NIBAN1: variants seen among roughly 807,000 people sequenced by gnomAD.
NIBAN1 encodes niban apoptosis regulator 1, also known as protein Niban 1.
A neutral mutation model predicts 75.1 loss-of-function variants in NIBAN1; 81 were observed. The ratio of observed to expected loss-of-function variants is 1.08; its 90% CI spans 0.90 to 1.30. The LOEUF (loss-of-function observed/expected upper bound fraction) is 1.30. Among genes scored for constraint, NIBAN1 ranks in the 50% most tolerant of loss-of-function variants. The probability of loss-of-function intolerance (pLI) is 0.00; values close to 1 mark genes in which losing one functional copy is unlikely to be tolerated. For synonymous variants in NIBAN1, 436 were observed against 424.8 expected, an observed-to-expected ratio of 1.03 and a Z score of -0.32; for missense variants, 1,133 against 1,128.1, an observed-to-expected ratio of 1.00 and a Z score of -0.06.
chr1:184,802,359 G>T (rs573613468), intron 12 of NIBAN1, among the ~76,000 whole-genome samples: 2 of 151,888 alleles, frequency 1.3e-5, no homozygotes, highest in Admixed American at 1.3e-4. Flanking sequence ...CCTGAGAGAA[G>T]GTGGATCTGA....
chr1:184,919,550 G>A (rs1488054587), intron 1 of NIBAN1, among the ~76,000 whole-genome samples: 2 of 152,040 alleles, frequency 1.3e-5, no homozygotes, highest in East Asian at 3.9e-4. Flanking sequence ...TTTACTTCCT[G>A]GAAAATCAAA....
chr1:184,877,565 G>A (rs1193559445), intron 5 of NIBAN1, among the ~76,000 whole-genome samples: 1 of 152,094 alleles, frequency 6.6e-6, no homozygotes, highest in African/African-American at 2.4e-5. Context: ...CTTGTTCATG[G>A]TATGGGAAGA....
chr1:184,823,271 A>C lies in NIBAN1; in HGVS notation c.881T>G (p.Leu294Trp). The change falls in exon 8 of 14, where the codon TTG (leucine) becomes TGG (tryptophan). Residue 294 changes from leucine (L) to tryptophan (W), a missense_variant. Coordinates refer to ENST00000367511, the MANE Select transcript of NIBAN1 (RefSeq NM_052966.4). ...QHQVSEGLSA[L>W]KEECRALTKG... is the part of the protein sequence containing the mutation. Reference sequence around the variant, plus strand: ...TGTCAGAGCTCTGCATTCCTCCTTCAAGGCACTTAATCCTTCTGAAACTTG... The same window carrying C: ...TGTCAGAGCTCTGCATTCCTCCTTCCAGGCACTTAATCCTTCTGAAACTTG... 1 of 1,614,138 alleles carries C rather than the reference A, an allele frequency of 6.2e-7. No homozygotes were observed.
chr1:184,854,130 C>A (rs1280358546), intron 5 of NIBAN1, among the ~76,000 whole-genome samples: 2 of 152,082 alleles, frequency 1.3e-5, no homozygotes, highest in Admixed American at 1.3e-4. Flanking sequence ...ATACCTACAG[C>A]ACATTTGAGT....
intron 9 of NIBAN1, among the ~76,000 whole-genome samples, chr1:184,813,827 G>A (rs1461702769): frequency 1.3e-5 from 2 of 152,186 alleles, no homozygotes; most frequent in African/African-American, 2.4e-5. Context: ...CATGGAGTTC[G>A]ATGCTGGAAT....
At chr1:184,909,253 C>T (rs985982591) in intron 1 of NIBAN1, among the ~76,000 whole-genome samples, 3 of 152,196 alleles carry the variant, frequency 2.0e-5, no homozygotes, top group Non-Finnish European at 4.4e-5. Flanking sequence ...TCCCTTCCAA[C>T]ACATCAGGTT....
intron 1 of NIBAN1, among the ~76,000 whole-genome samples, chr1:184,967,641 A>G (rs1374493922): frequency 1.3e-5 from 2 of 152,216 alleles, no homozygotes; most frequent in Non-Finnish European, 2.9e-5. Flanking sequence ...TTCACAGTAA[A>G]AGATAATAAA....
At chr1:184,798,303 A>T (rs1653933692) in intron 12 of NIBAN1, 113 bp from the exon 13 acceptor site, 2 of 622,652 alleles carry the variant, frequency 3.2e-6, no homozygotes, top group African/African-American at 3.7e-5. Flanking sequence ...AGGGCATAAG[A>T]GAAGGACCAT....
chr1:184,821,125 C>G (rs1654685586), intron 8 of NIBAN1, among the ~76,000 whole-genome samples: 1 of 152,176 alleles, frequency 6.6e-6, no homozygotes, highest in Non-Finnish European at 1.5e-5. Flanking sequence ...ATCCTCCTCT[C>G]CTTGTAAAAT....
intron 1 of NIBAN1, among the ~76,000 whole-genome samples, chr1:184,909,157 A>G (rs948227222): frequency 6.6e-6 from 1 of 152,224 alleles, no homozygotes; most frequent in African/African-American, 2.4e-5. Context: ...GATTGCAACC[A>G]TGCAAATGAA....
intron 1 of NIBAN1, among the ~76,000 whole-genome samples, chr1:184,939,228 C>T (rs1258981236): frequency 6.6e-6 from 1 of 152,160 alleles, no homozygotes; most frequent in African/African-American, 2.4e-5. Flanking sequence ...CACTGGGCAC[C>T]ACATCAGTGC....
At chr1:184,815,110 A>G (rs1006543821) in intron 9 of NIBAN1, among the ~76,000 whole-genome samples, 1 of 152,216 alleles carries the variant, frequency 6.6e-6, no homozygotes, top group African/African-American at 2.4e-5. Context: ...CTGATGGGCC[A>G]TTTAAACATT....
intron 6 of NIBAN1, among the ~76,000 whole-genome samples, chr1:184,828,378 G>A (rs1027816958): frequency 6.6e-6 from 1 of 152,158 alleles, no homozygotes; most frequent in African/African-American, 2.4e-5. Context: ...TTAGCAGACA[G>A]GAAGAAAAAA....
At chr1:184,830,853 T>TAG (rs1030669324) in intron 6 of NIBAN1, among the ~76,000 whole-genome samples, 2 of 151,860 alleles carry the variant, frequency 1.3e-5, no homozygotes, top group African/African-American at 4.8e-5. Flanking sequence ...ATACAAAAGT[T>TAG]AGCAGGAGTG....
intron 1 of NIBAN1, among the ~76,000 whole-genome samples, chr1:184,956,400 A>C (rs1178139469): frequency 6.6e-6 from 1 of 152,156 alleles, no homozygotes; most frequent in Non-Finnish European, 1.5e-5. Context: ...GGAGGAAAAG[A>C]ACACCTGTGT....
chr1:184,867,937 A>T, intron 5 of NIBAN1: 2 of 985,454 alleles, frequency 2.0e-6, no homozygotes, highest in Non-Finnish European at 2.4e-6. Context: ...ACAACGGGAC[A>T]GTGTGGCAGT....
At chr1:184,813,020 G>T (rs938620171) in intron 9 of NIBAN1, among the ~76,000 whole-genome samples, 2 of 152,206 alleles carry the variant, frequency 1.3e-5, no homozygotes, top group Non-Finnish European at 2.9e-5. Flanking sequence ...CTTTATTAAA[G>T]AGTGCTATGA....
intron 5 of NIBAN1, among the ~76,000 whole-genome samples, chr1:184,854,836 G>A (rs992116235): frequency 3.3e-5 from 5 of 152,188 alleles, no homozygotes; most frequent in African/African-American, 9.7e-5. Context: ...CTTGGATCAC[G>A]TATTGTAATT....
At chr1:184,838,864 A>G (rs1655206078) in intron 5 of NIBAN1, among the ~76,000 whole-genome samples, 1 of 152,120 alleles carries the variant, frequency 6.6e-6, no homozygotes, top group Non-Finnish European at 1.5e-5. Context: ...CTGTTAGCTG[A>G]TCTGCCGGGT....
Sources: gnomAD v4.1 joint callset for allele counts (sites outside exome capture counted in the v4.1 genomes callset) on GRCh38, gnomAD v4.1.1 for gene constraint, MANE v1.5 for transcripts, NCBI Gene and HGNC (gene_info 2026-07-23, HGNC 2026-07-21) for gene names.